Variants in ABCB11 observed in about 807,000 individuals in gnomAD.
The protein encoded by ABCB11 is ATP binding cassette subfamily B member 11.
In ABCB11, 95 loss-of-function variants were observed where a neutral mutation model predicts 148.0. That is an observed-to-expected ratio of 0.64 (90% CI 0.54 to 0.76). The LOEUF (loss-of-function observed/expected upper bound fraction) is 0.76, where lower values mean the gene tolerates loss of function less well. ABCB11 is among the 30% of genes least tolerant of loss of function. The pLI is 0.00. For synonymous variants in ABCB11, 591 were observed against 555.4 expected (o/e 1.06, Z -0.90); for missense variants, 1,523 against 1,617.8 (o/e 0.94, Z 1.01).
intron 10 of ABCB11, 83 bp downstream of exon 10, chr2:168,986,027 G>T: frequency 8.5e-7 from 1 of 1,179,960 alleles, no homozygotes; most frequent in Non-Finnish European, 1.1e-6. Flanking sequence ...AGGCACCAAA[G>T]TAATAAACAA....
In ABCB11 at chr2:169,013,190, A is replaced by G. The variant is rs1255889159; in HGVS notation, c.389+82T>C. ...TGTTAGATACCACTCCAGCTCAGCC[A>G]GTAAAATCCCCTCTATACATTTTGA... On this transcript the variant is annotated intron_variant, in intron 5 of 27. Coordinates refer to ENST00000650372, the MANE Select transcript of ABCB11 (RefSeq NM_003742.4). 3 of 1,048,464 alleles carry G rather than the reference A, an allele frequency of 2.9e-6. No individual in the cohort carries two copies. The East Asian group carries it at 7.2e-5, about 25-fold the overall frequency. 64.9% of individuals were successfully genotyped at this position (1,048,464 alleles called of 1,614,324 possible).
At chr2:168,926,723 C>T (rs1045658707) in intron 26 of ABCB11, among the ~76,000 whole-genome samples, 8 of 152,136 alleles carry the variant, frequency 5.3e-5, no homozygotes, top group Non-Finnish European at 1.2e-4. Flanking sequence ...TCTAGAGCCA[C>T]AATCATAATA....
At position 168,986,415 on chromosome 2, in the gene ABCB11, G is replaced by A. The variant is rs1694327277; in HGVS notation, c.909-131C>T. ...CGCAAACACAGAGCAGCTTCAGGGA[G>A]AAAAATCTCCAATAACCTTTATGTA... On this transcript the variant is annotated intron_variant, in intron 9 of 27. Transcript: ENST00000650372. The A allele has an allele frequency of 5.2e-6, 4 of 773,206 alleles. No homozygotes were observed. In the South Asian group the frequency reaches 7.3e-5, roughly 14 times the overall value. 47.9% of individuals were successfully genotyped at this position (773,206 alleles called of 1,614,324 possible).
Position 168,935,361 on chromosome 2 carries a change from A to G in ABCB11, c.2879T>C (p.Ile960Thr), listed in dbSNP as rs769166021. 1.1e-5 allele frequency: 17 copies of G among 1,613,824 alleles called. 1 individual carries two copies. The highest frequency in any genetic ancestry group is 6.6e-5 in the South Asian group (6 of 91,090). ...VAGIGKERRF[I>T]EALETELEKP... ...CTCCAGCTCAGTCTCAAGTGCTTCA[A>G]TGAACCGCCTCTCCTTTCCAATTCC... The change falls in exon 23 of 28, where the codon ATT becomes ACT. Residue 960 changes from isoleucine to threonine, a missense_variant. Physicochemically the swap from Ile to Thr is moderately conservative, Grantham distance 89. Coordinates refer to ENST00000650372, the MANE Select transcript of ABCB11 (RefSeq NM_003742.4).
chr2:168,964,279 T>C lies in ABCB11; in HGVS notation c.2105A>G (p.Gln702Arg). 2 of 1,569,900 alleles carry C rather than the reference T, an allele frequency of 1.3e-6. No individual in the cohort carries two copies. The highest frequency in any genetic ancestry group is 1.7e-6 in the Non-Finnish European group (2 of 1,155,646). The change falls in exon 18 of 28, where the codon CAG (glutamine) becomes CGG (arginine). Residue 702 changes from glutamine to arginine, a missense_variant. Coordinates refer to ENST00000650372, the MANE Select transcript of ABCB11 (RefSeq NM_003742.4). ...RASIRQRSKS[Q>R]LSYLVHEPPL... is the part of the protein sequence containing the mutation. ...AGGTTCGTGCACCAGGTAAGAAAGC[T>C]GAGACTTGGAGCGTTGCCGGATGGA...
intron 17 of ABCB11, among the ~76,000 whole-genome samples, chr2:168,964,544 G>A (rs1239234781): frequency 6.6e-6 from 1 of 151,746 alleles, no homozygotes; most frequent in Non-Finnish European, 1.5e-5. Flanking sequence ...CAGATTCAGA[G>A]TGTAGTCAGG....
At chr2:169,028,546 A>T (rs1178875148) in intron 1 of ABCB11, among the ~76,000 whole-genome samples, 2 of 152,096 alleles carry the variant, frequency 1.3e-5, no homozygotes, top group Non-Finnish European at 2.9e-5. Context: ...AGGCTGAAGG[A>T]GCCCAGTGAA....
chr2:168,999,607 T>A (rs1233173942), intron 5 of ABCB11, among the ~76,000 whole-genome samples: 1 of 152,130 alleles, frequency 6.6e-6, no homozygotes, highest in African/African-American at 2.4e-5. Context: ...GGGGTTGGCT[T>A]TTTTCCACTT....
At chr2:168,952,176 G>T (rs1692596654) in intron 19 of ABCB11, among the ~76,000 whole-genome samples, 1 of 151,578 alleles carries the variant, frequency 6.6e-6, no homozygotes, top group South Asian at 2.1e-4. Context: ...CAGAGATATT[G>T]GTCTGTAGTT....
intron 19 of ABCB11, among the ~76,000 whole-genome samples, chr2:168,951,476 C>T (rs570118305): frequency 1.3e-5 from 2 of 151,104 alleles, no homozygotes; most frequent in Non-Finnish European, 3.0e-5. Context: ...CACCTCTTTG[C>T]TTAAATATAT....
chr2:168,932,448 C>G lies in ABCB11; in HGVS notation c.3142G>C (p.Ala1048Pro). 1 of 1,611,372 alleles carries G rather than the reference C, an allele frequency of 6.2e-7. No homozygotes were observed. The highest frequency in any genetic ancestry group is 8.5e-7 in the Non-Finnish European group (1 of 1,178,764). ...TCCAGCAGTTGAAAAAAGCGTGCAG[C>G]TGATATTTTAGCTTTTGCATAACTT... is the stretch of plus-strand genomic sequence containing the variant. Reference protein sequence around the residue: ...TPSYAKAKISAARFFQLLDRQ... With the variant: ...TPSYAKAKISPARFFQLLDRQ... The change falls in exon 24 of 28, where the codon GCT (alanine) becomes CCT (proline). Residue 1048 changes from alanine (A) to proline (P), a missense_variant. Transcript: ENST00000650372.
intron 17 of ABCB11, among the ~76,000 whole-genome samples, chr2:168,967,839 A>G (rs116348898): frequency 1.3e-3 from 195 of 152,048 alleles, no homozygotes; most frequent in African/African-American, 4.6e-3. Context: ...TCTCACTAAT[A>G]GCATACTCCA....
chr2:168,961,881 A>T (rs1396997236), intron 18 of ABCB11, among the ~76,000 whole-genome samples: 2 of 151,698 alleles, frequency 1.3e-5, no homozygotes, highest in African/African-American at 4.8e-5. Flanking sequence ...AGTATTTCCC[A>T]ATCTACAGAA....
At chr2:169,022,568 C>A (rs1695569255) in intron 1 of ABCB11, among the ~76,000 whole-genome samples, 1 of 151,834 alleles carries the variant, frequency 6.6e-6, no homozygotes, top group Non-Finnish European at 1.5e-5. Flanking sequence ...AAGTCTCCCA[C>A]CTCAAAAAAC....
At chr2:168,966,572 C>G (rs1693330934) in intron 17 of ABCB11, among the ~76,000 whole-genome samples, 1 of 151,870 alleles carries the variant, frequency 6.6e-6, no homozygotes, top group Non-Finnish European at 1.5e-5. Flanking sequence ...ATAAAAACAA[C>G]TAACTTGGGG....
At chr2:169,017,780 C>G (rs1273087691) in intron 2 of ABCB11, among the ~76,000 whole-genome samples, 1 of 152,060 alleles carries the variant, frequency 6.6e-6, no homozygotes, top group Non-Finnish European at 1.5e-5. Flanking sequence ...TAACAGCCAC[C>G]ACTGGAACAA....
chr2:169,001,941 G>A (rs1694887037), intron 5 of ABCB11, among the ~76,000 whole-genome samples: 1 of 151,926 alleles, frequency 6.6e-6, no homozygotes, highest in Admixed American at 6.6e-5. Flanking sequence ...ACATATAATG[G>A]ATTAAACAAT....
At chr2:169,018,256 C>A in intron 1 of ABCB11, 104 bp from the exon 2 acceptor site, 1 of 1,019,832 alleles carries the variant, frequency 9.8e-7, no homozygotes, top group South Asian at 1.6e-5. Flanking sequence ...ATAATCTTTA[C>A]TAATCAATCT....
At chr2:169,014,276 T>C in intron 4 of ABCB11, 27 bp downstream of exon 4, 1 of 1,603,448 alleles carries the variant, frequency 6.2e-7, no homozygotes, top group East Asian at 2.2e-5. Context: ...GCACACCCAC[T>C]GCCATAAATC....
Sources: allele counts gnomAD v4.1 joint callset (sites outside exome capture counted in the v4.1 genomes callset), GRCh38; gene constraint gnomAD v4.1.1; transcripts MANE v1.5; gene names NCBI Gene and HGNC (gene_info 2026-07-23, HGNC 2026-07-21).